The following NCKAP5 variants were observed in gnomAD, a reference collection of about 807,000 sequenced individuals.
NCKAP5 encodes the protein nck-associated protein 5.
Under a neutral mutation model 167.0 loss-of-function variants are expected in NCKAP5, and 92 were observed. That is an observed-to-expected ratio of 0.55 (90% CI 0.47 to 0.66). NCKAP5 has a LOEUF of 0.66. Among genes scored for constraint, NCKAP5 ranks in the 30% least tolerant of loss-of-function variants. The probability of loss-of-function intolerance (pLI) is 0.00; values close to 1 mark genes in which losing one functional copy is unlikely to be tolerated. For missense variants in NCKAP5, 2,378 were observed against 2,315.0 expected (o/e 1.03, Z -0.56); for synonymous variants, 891 against 877.4 (o/e 1.02, Z -0.27).
intron 11 of NCKAP5, among the ~76,000 whole-genome samples, chr2:132,808,401 T>C (rs1685600243): frequency 6.6e-6 from 1 of 152,066 alleles, no homozygotes; most frequent in Non-Finnish European, 1.5e-5. Flanking sequence ...ACTTTTTTTG[T>C]TGTTGGTAAT....
the NCKAP5 span, among the ~76,000 whole-genome samples, chr2:133,594,015 C>CG: frequency 6.6e-6 from 1 of 152,236 alleles, no homozygotes; most frequent in African/African-American, 2.4e-5. Context: ...GATAAATACA[C>CG]GCTGTACTTT....
At chr2:133,441,441 C>G (rs1489884103) in intron 3 of NCKAP5, among the ~76,000 whole-genome samples, 1 of 152,200 alleles carries the variant, frequency 6.6e-6, no homozygotes, top group African/African-American at 2.4e-5. Context: ...TAAGGCTCTT[C>G]CAGCAGATGG....
intron 3 of NCKAP5, among the ~76,000 whole-genome samples, chr2:133,495,075 C>G (rs1681816545): frequency 6.6e-6 from 1 of 152,186 alleles, no homozygotes; most frequent in Non-Finnish European, 1.5e-5. Flanking sequence ...ACTTTTTCAA[C>G]CAACTGCCAA....
intron 6 of NCKAP5, among the ~76,000 whole-genome samples, chr2:133,031,245 C>T (rs959206649): frequency 6.6e-6 from 1 of 152,156 alleles, no homozygotes; most frequent in African/African-American, 2.4e-5. Flanking sequence ...CCCTCCCCTA[C>T]CCCCAGCAGC....
At position 132,782,848 on chromosome 2, in the gene NCKAP5, G is replaced by A. The variant is rs1181420157; in HGVS notation, c.3963C>T (p.Ser1321=). 1.2e-6 allele frequency: 2 copies of A among 1,613,870 alleles called. No homozygotes were observed. Among genetic ancestry groups the A allele is most frequent in the Non-Finnish European group, 8.5e-7 (1 of 1,179,892 alleles). ...GAGCAGAAGGGGCCTTGTTGGGAGA[G>A]CTTTCCGTGGAAGAGTTCTGCCGGG... is the stretch of plus-strand genomic sequence containing the variant. ...SLTRQNSSTE[S]SPNKAPSAPM... is the part of the protein sequence containing the mutation. The change falls in exon 14 of 20, where the codon AGC becomes AGT. Residue 1321 remains serine (S), a synonymous_variant. Transcript: ENST00000409261.
intron 6 of NCKAP5, among the ~76,000 whole-genome samples, chr2:133,076,967 G>A (rs986416888): frequency 7.2e-5 from 11 of 152,156 alleles, no homozygotes; most frequent in African/African-American, 2.7e-4. Context: ...CAGAGGTCTT[G>A]TTAAGTGAGG....
chr2:132,728,997 A>G, intron 17 of NCKAP5, 45 bp from the exon 18 acceptor site: 3 of 1,605,116 alleles, frequency 1.9e-6, no homozygotes, highest in Non-Finnish European at 1.7e-6. Flanking sequence ...CCTTTCATCA[A>G]CATTTTACAA....
chr2:132,678,521 T>C (rs1387727573), intron 19 of NCKAP5, among the ~76,000 whole-genome samples: 1 of 152,140 alleles, frequency 6.6e-6, no homozygotes, highest in Non-Finnish European at 1.5e-5. Context: ...TATTTCTCTA[T>C]TGCTATAGAG....
chr2:133,613,557 T>C, the NCKAP5 span, among the ~76,000 whole-genome samples: 5 of 152,322 alleles, frequency 3.3e-5, no homozygotes, highest in African/African-American at 9.6e-5. Context: ...TAGTCTAAGA[T>C]ATGAAACAGA....
intron 6 of NCKAP5, among the ~76,000 whole-genome samples, chr2:133,113,063 TC>T (rs2081966445): frequency 6.6e-6 from 1 of 152,212 alleles, no homozygotes; most frequent in African/African-American, 2.4e-5. Context: ...AGGGAAGTTT[TC>T]TGTCAACTTG....
At chr2:132,940,057 T>C (rs1697178123) in intron 8 of NCKAP5, among the ~76,000 whole-genome samples, 1 of 152,156 alleles carries the variant, frequency 6.6e-6, no homozygotes, top group Non-Finnish European at 1.5e-5. Flanking sequence ...CCTTACCTTC[T>C]GAGTTCCCAA....
In NCKAP5 at chr2:132,783,714, C is replaced by T. The variant is rs777775744; in HGVS notation, c.3097G>A (p.Ala1033Thr). Reference sequence around the variant, plus strand: ...GGAGAGACCTTTGGAGGCCCCAGAGCCATTACGGTGAAGGAGCTGGAGGGG... The same window carrying T: ...GGAGAGACCTTTGGAGGCCCCAGAGTCATTACGGTGAAGGAGCTGGAGGGG... ...HAPSSSFTVM[A>T]LGPPKVSPKR... Residue 1033 changes from alanine to threonine, a missense_variant, in exon 14 of 20, where the codon GCT (alanine) becomes ACT (threonine). Coordinates refer to ENST00000409261, the MANE Select transcript of NCKAP5 (RefSeq NM_207363.3). The T allele has an allele frequency of 2.5e-6, 4 of 1,612,036 alleles. No homozygotes were observed. The South Asian group carries it at 3.3e-5, about 13-fold the overall frequency.
At chr2:132,905,187 ATAT>A (rs1191458397) in intron 8 of NCKAP5, among the ~76,000 whole-genome samples, 1 of 152,106 alleles carries the variant, frequency 6.6e-6, no homozygotes, top group Non-Finnish European at 1.5e-5. Context: ...CCAAATAGTG[ATAT>A]TATTGTCCCA....
intron 6 of NCKAP5, among the ~76,000 whole-genome samples, chr2:133,088,107 T>C (rs892492813): frequency 2.0e-5 from 3 of 152,208 alleles, no homozygotes; most frequent in African/African-American, 7.2e-5. Flanking sequence ...ATGATATTCC[T>C]ACCACTTACT....
intron 8 of NCKAP5, among the ~76,000 whole-genome samples, chr2:132,933,076 C>T (rs1364772618): frequency 6.6e-6 from 1 of 152,032 alleles, no homozygotes; most frequent in Non-Finnish European, 1.5e-5. Context: ...AGGCACCTGC[C>T]ACCACGCGTG....
At chr2:132,930,384 G>C (rs11888565) in intron 8 of NCKAP5, 1 of 152,170 alleles carries the variant, frequency 6.6e-6, no homozygotes, top group African/African-American at 2.4e-5. Context: ...GAAGAAATTA[G>C]CATCAAAATC....
the NCKAP5 span, among the ~76,000 whole-genome samples, chr2:133,576,672 C>T: frequency 6.6e-6 from 1 of 152,170 alleles, no homozygotes; most frequent in Non-Finnish European, 1.5e-5. Flanking sequence ...AGCATAGGCG[C>T]TGTTTGTCTG....
chr2:133,474,171 C>A, intron 3 of NCKAP5, among the ~76,000 whole-genome samples: 1 of 151,300 alleles, frequency 6.6e-6, no homozygotes, highest in African/African-American at 2.4e-5. Context: ...CACACACACA[C>A]ACACACGTAC....
At chr2:132,943,993 C>T (rs1223134504) in intron 8 of NCKAP5, among the ~76,000 whole-genome samples, 1 of 152,198 alleles carries the variant, frequency 6.6e-6, no homozygotes, top group Non-Finnish European at 1.5e-5. Flanking sequence ...TTGCTCTGCT[C>T]TTCACTGCTC....
Sources: gnomAD v4.1 joint callset for allele counts (sites outside exome capture counted in the v4.1 genomes callset) on GRCh38, gnomAD v4.1.1 for gene constraint, MANE v1.5 for transcripts, NCBI Gene and HGNC (gene_info 2026-07-23, HGNC 2026-07-21) for gene names.